Variants in FOXN3 observed in about 807,000 individuals in gnomAD.
FOXN3 encodes the protein forkhead box N3.
A neutral mutation model predicts 38.4 loss-of-function variants in FOXN3; 7 were observed. The ratio of observed to expected loss-of-function variants is 0.18; its 90% CI spans 0.10 to 0.34. The LOEUF is 0.34. Ranked by LOEUF, FOXN3 falls within the 10% of genes least tolerant of loss-of-function variation. The pLI is 1.00. For synonymous variants in FOXN3, 230 were observed against 242.2 expected, an observed-to-expected ratio of 0.95 and a Z score of 0.47; for missense variants, 456 against 613.4, an observed-to-expected ratio of 0.74 and a Z score of 2.71.
intron 1 of FOXN3, among the ~76,000 whole-genome samples, chr14:89,473,687 A>G (rs1893155261): frequency 6.6e-6 from 1 of 152,208 alleles, no homozygotes; most frequent in African/African-American, 2.4e-5. Flanking sequence ...CTCTTGACCA[A>G]CAGCTACATT....
At chr14:89,474,493 G>A (rs1312804000) in intron 1 of FOXN3, among the ~76,000 whole-genome samples, 1 of 152,124 alleles carries the variant, frequency 6.6e-6, no homozygotes, top group Non-Finnish European at 1.5e-5. Flanking sequence ...TGAAAGAACT[G>A]TACAAATAAA....
chr14:89,238,636 T>C (rs1885047998), intron 4 of FOXN3, among the ~76,000 whole-genome samples: 1 of 152,220 alleles, frequency 6.6e-6, no homozygotes, highest in Non-Finnish European at 1.5e-5. Context: ...ATTTTATTTT[T>C]TATCTAGTTC....
rs568791220 is a variant in FOXN3 at position 89,449,841 on chromosome 14, C to T, written c.-14-37351G>A. Among the ~76,000 whole-genome samples the T allele has an allele frequency of 2.0e-5, 3 of 152,144 alleles. No homozygotes were observed. The South Asian group carries it at 6.2e-4, about 31-fold the overall frequency. On this transcript the variant is annotated intron_variant, in intron 1 of 6. Transcript: ENST00000345097. ...TCAGGCAGCCTCTAGGAAGGGGGAG[C>T]TCATGGGGAGAGCCAGAACACTGCC...
chr14:89,481,209 C>G (rs575578672), intron 1 of FOXN3, among the ~76,000 whole-genome samples: 2 of 152,104 alleles, frequency 1.3e-5, no homozygotes, highest in African/African-American at 4.8e-5. Context: ...CAAGTCTTCA[C>G]TGGCTGGAGT....
intron 2 of FOXN3, among the ~76,000 whole-genome samples, chr14:89,367,849 CCCT>C (rs1890203194): frequency 6.6e-6 from 1 of 152,164 alleles, no homozygotes; most frequent in Non-Finnish European, 1.5e-5. Flanking sequence ...AGAAACCCTC[CCCT>C]CGTCTCCCAG....
intron 1 of FOXN3, among the ~76,000 whole-genome samples, chr14:89,471,706 C>G (rs893417421): frequency 6.6e-6 from 1 of 152,200 alleles, no homozygotes; most frequent in Non-Finnish European, 1.5e-5. Context: ...CTTCAGCTCT[C>G]TCTCCTTCAA....
chr14:89,546,329 C>CTTTTTTTTTCTTTTTTTTTTTTTTT (rs1894880091), intron 1 of FOXN3, among the ~76,000 whole-genome samples: 1 of 78,310 alleles, frequency 1.3e-5, no homozygotes. Context: ...TTTCCTTTTT[C>CTTTTTTTTTCTTTTTTTTTTTTTTT]TTTTTTTTTT....
chr14:89,357,665 T>C (rs1229496883), intron 2 of FOXN3, among the ~76,000 whole-genome samples: 2 of 151,998 alleles, frequency 1.3e-5, no homozygotes, highest in African/African-American at 4.8e-5. Flanking sequence ...CAGTTGACAC[T>C]GGCAATGCAG....
At chr14:89,406,480 C>T (rs1476863828) in intron 2 of FOXN3, among the ~76,000 whole-genome samples, 3 of 152,058 alleles carry the variant, frequency 2.0e-5, no homozygotes, top group Admixed American at 6.5e-5. Flanking sequence ...CAATTAGGTT[C>T]CTAGTAAGTT....
intron 1 of FOXN3, among the ~76,000 whole-genome samples, chr14:89,477,782 G>A (rs1276912772): frequency 2.0e-5 from 3 of 152,150 alleles, no homozygotes; most frequent in Non-Finnish European, 2.9e-5. Context: ...ATATTAAAGT[G>A]GCCGGCACGA....
At chr14:89,599,485 T>A (rs1376958656) in intron 1 of FOXN3, among the ~76,000 whole-genome samples, 2 of 152,226 alleles carry the variant, frequency 1.3e-5, no homozygotes, top group Non-Finnish European at 2.9e-5. Flanking sequence ...AACATATTAA[T>A]CACAGTTATG....
At chr14:89,498,651 C>T (rs1893736713) in intron 1 of FOXN3, among the ~76,000 whole-genome samples, 2 of 152,214 alleles carry the variant, frequency 1.3e-5, no homozygotes, top group Admixed American at 6.5e-5. Context: ...GATTTGGTCA[C>T]GCTACTGTTG....
chr14:89,187,361 A>T (rs76165070), intron 4 of FOXN3, among the ~76,000 whole-genome samples: 8,368 of 152,264 alleles, frequency 0.055, 403 homozygotes, highest in African/African-American at 0.13. Context: ...CTCCGAAGCC[A>T]CACTCTCCAC....
At chr14:89,528,321 A>G (rs1021799108) in intron 1 of FOXN3, among the ~76,000 whole-genome samples, 23 of 150,356 alleles carry the variant, frequency 1.5e-4, no homozygotes, top group African/African-American at 5.4e-4. Flanking sequence ...ACAATGGAAT[A>G]CTACACAGCA....
chr14:89,446,175 G>GT (rs1892492010), intron 1 of FOXN3, among the ~76,000 whole-genome samples: 3 of 110,428 alleles, frequency 2.7e-5, no homozygotes, highest in African/African-American at 3.3e-5. Context: ...CTTCCTAAAA[G>GT]TCTTTTTTTT....
intron 1 of FOXN3, among the ~76,000 whole-genome samples, chr14:89,497,232 G>T (rs1893704443): frequency 6.6e-6 from 1 of 152,126 alleles, no homozygotes. Context: ...TGGGATTACA[G>T]GCGTGAGCCA....
At position 89,588,949 on chromosome 14, in the gene FOXN3, A is replaced by C. The variant is rs553448450; in HGVS notation, c.-15+30079T>G. Among the ~76,000 whole-genome samples the C allele has an allele frequency of 2.0e-5, 3 of 152,290 alleles. No individual in the cohort carries two copies. The South Asian group carries it at 6.2e-4, about 32-fold the overall frequency. On this transcript the variant is annotated intron_variant, in intron 1 of 6. Transcript: ENST00000345097. The stretch of plus-strand genomic sequence containing the variant: ...TTTTGTGAAACCTAATCAAACACAC[A>C]TCTTTTAAAGGGTGTACAATGTCTA...
chr14:89,325,396 A>G (rs1388897323), intron 3 of FOXN3, among the ~76,000 whole-genome samples: 4 of 147,794 alleles, frequency 2.7e-5, no homozygotes, highest in Non-Finnish European at 6.0e-5. Flanking sequence ...CACCACCACC[A>G]TTATCACCAC....
intron 1 of FOXN3, among the ~76,000 whole-genome samples, chr14:89,460,536 C>A (rs1438348665): frequency 6.6e-6 from 1 of 152,114 alleles, no homozygotes; most frequent in East Asian, 1.9e-4. Flanking sequence ...GGAGGAGGAA[C>A]GTTAGCCTGC....
Sources: allele counts gnomAD v4.1 joint callset (sites outside exome capture counted in the v4.1 genomes callset), GRCh38; gene constraint gnomAD v4.1.1; transcripts MANE v1.5; gene names NCBI Gene and HGNC (gene_info 2026-07-23, HGNC 2026-07-21).